The following PPEF1 variants were observed in gnomAD, a reference collection of about 807,000 sequenced individuals.
PPEF1 encodes protein phosphatase with EF-hand domain 1, also known as serine/threonine-protein phosphatase with EF-hands 1.
PPEF1 carries 12 observed loss-of-function variants against 53.3 expected under a neutral mutation model. The ratio of observed to expected loss-of-function variants is 0.23; its 90% CI spans 0.14 to 0.36. PPEF1 has a LOEUF of 0.36. Among genes scored for constraint, PPEF1 ranks in the 10% least tolerant of loss-of-function variants. PPEF1 has a pLI of 1.00. For missense variants in PPEF1, 334 were observed against 490.4 expected, an observed-to-expected ratio of 0.68 and a Z score of 3.01; for synonymous variants, 165 against 176.7, an observed-to-expected ratio of 0.93 and a Z score of 0.52.
intron 1 of PPEF1, among the ~76,000 whole-genome samples, chrX:18,715,021 C>T (rs777655371): frequency 8.9e-6 from 1 of 111,921 alleles, no homozygotes; most frequent in East Asian, 2.8e-4. Flanking sequence ...GAAAGCGTAA[C>T]CTACATATAA....
At position 18,803,894 on chromosome X, in the gene PPEF1, T is replaced by G; in HGVS notation, c.1068T>G (p.Ile356Met). ...GAAATCTGGTTTGTTGTTCCAAGAT[T>G]ATTGATATTCTGTGGAGTGATCCCA... ...EHLTEHEWEQ[I>M]IDILWSDPRG... The change falls in exon 11 of 16, where the codon ATT becomes ATG. Residue 356 changes from isoleucine to methionine, a missense_variant and splice_region_variant. Physicochemically the swap from Ile to Met is conservative, Grantham distance 10. Coordinates refer to ENST00000470157, the MANE Select transcript of PPEF1 (RefSeq NM_001377996.1). 8.4e-7 allele frequency: 1 copy of G among 1,193,240 alleles called. No homozygotes were observed.
intron 3 of PPEF1, among the ~76,000 whole-genome samples, chrX:18,687,805 C>T (rs1245203349): frequency 1.8e-5 from 2 of 108,489 alleles, no homozygotes; most frequent in African/African-American, 6.7e-5. Context: ...TCTCGTGCCT[C>T]AGCCTCCGGA....
intron 3 of PPEF1, among the ~76,000 whole-genome samples, chrX:18,740,916 A>ATTTTTTTTTT (rs749122735): frequency 1.3e-5 from 1 of 75,215 alleles, no homozygotes; most frequent in Non-Finnish European, 2.6e-5. Flanking sequence ...TGGGCCAACC[A>ATTTTTTTTTT]TTTTTTTTTT....
chrX:18,776,567 A>G (rs2045970199), intron 6 of PPEF1, among the ~76,000 whole-genome samples: 1 of 111,363 alleles, frequency 9.0e-6, no homozygotes, highest in African/African-American at 3.3e-5. Context: ...GATAGCCTGT[A>G]TTTTTGCAAC....
intron 1 of PPEF1, among the ~76,000 whole-genome samples, chrX:18,683,171 A>G (rs1928943122): frequency 9.0e-6 from 1 of 111,121 alleles, no homozygotes; most frequent in East Asian, 2.9e-4. Flanking sequence ...ACAATTCAAG[A>G]TGAGATTTGG....
chrX:18,739,068 C>T (rs1210335401), intron 3 of PPEF1, among the ~76,000 whole-genome samples: 1 of 112,069 alleles, frequency 8.9e-6, no homozygotes, highest in Non-Finnish European at 1.9e-5. Context: ...GCGATGGGTT[C>T]GAACATCCTC....
chrX:18,822,253 G>T (rs1466508195), intron 13 of PPEF1, among the ~76,000 whole-genome samples: 1 of 110,547 alleles, frequency 9.0e-6, no homozygotes, highest in Non-Finnish European at 1.9e-5. Flanking sequence ...GCTGTTCTTT[G>T]CAGTGTTCTT....
At chrX:18,700,981 T>G (rs1930072526) in intron 6 of PPEF1, among the ~76,000 whole-genome samples, 1 of 112,268 alleles carries the variant, frequency 8.9e-6, no homozygotes, top group African/African-American at 3.2e-5. Flanking sequence ...ACATTTTTGT[T>G]CTTTAATGAT....
intron 10 of PPEF1, among the ~76,000 whole-genome samples, chrX:18,794,373 C>T (rs1288305567): frequency 1.8e-5 from 2 of 113,018 alleles, no homozygotes; most frequent in African/African-American, 6.4e-5. Context: ...CACTCTGTGC[C>T]AAATAAGGCC....
At chrX:18,807,740 A>G (rs1400062828) in intron 12 of PPEF1, among the ~76,000 whole-genome samples, 1 of 110,687 alleles carries the variant, frequency 9.0e-6, no homozygotes, top group African/African-American at 3.3e-5. Flanking sequence ...GCTCACTGCA[A>G]CCTCCACCTA....
chrX:18,739,791 A>T (rs1264700826), intron 3 of PPEF1, among the ~76,000 whole-genome samples: 1 of 112,417 alleles, frequency 8.9e-6, no homozygotes, highest in Non-Finnish European at 1.9e-5. Context: ...ACCCAGTTCA[A>T]GCTTCCCGGC....
At chrX:18,791,521 A>G (rs1316195013) in intron 10 of PPEF1, among the ~76,000 whole-genome samples, 1 of 112,205 alleles carries the variant, frequency 8.9e-6, no homozygotes, top group East Asian at 2.8e-4. Flanking sequence ...AATACAACTG[A>G]CTTTTATATA....
In PPEF1 at chrX:18,743,822, T is replaced by C. The variant is rs147813376; in HGVS notation, c.236-5970T>C. Among the ~76,000 whole-genome samples, 585 of 111,047 alleles carry C rather than the reference T, an allele frequency of 5.3e-3. 7 individuals are homozygous for C. The highest frequency in any genetic ancestry group is 0.018 in the African/African-American group (556 of 30,467). ...TGGTGAAGTTCCTGTTCAGGTTTTT[T>C]TGTCCATTTTTCTATTGGGTTATTT... On this transcript the variant is annotated intron_variant, in intron 3 of 15. Transcript: ENST00000470157.
intron 12 of PPEF1, among the ~76,000 whole-genome samples, chrX:18,807,089 G>A (rs1021967423): frequency 2.6e-4 from 29 of 110,465 alleles, no homozygotes; most frequent in African/African-American, 9.3e-4. Context: ...GAGTGCAGTG[G>A]CGTGATCTCA....
intron 6 of PPEF1, among the ~76,000 whole-genome samples, chrX:18,771,478 G>T (rs999573790): frequency 1.8e-5 from 2 of 111,520 alleles, no homozygotes; most frequent in African/African-American, 6.5e-5. Flanking sequence ...AATTCAAGGA[G>T]CCAGACTTTT....
At chrX:18,784,945 G>A (rs1325300561) in intron 9 of PPEF1, among the ~76,000 whole-genome samples, 1 of 110,906 alleles carries the variant, frequency 9.0e-6, no homozygotes, top group Non-Finnish European at 1.9e-5. Flanking sequence ...CGCCACATGG[G>A]TTGAAGACCA....
chrX:18,712,034 A>G (rs771462015), intron 1 of PPEF1, among the ~76,000 whole-genome samples: 11 of 112,075 alleles, frequency 9.8e-5, no homozygotes, highest in South Asian at 7.3e-4. Flanking sequence ...TTACAGGCAT[A>G]AGCCACCACG....
chrX:18,678,277 C>A (rs1928752447), upstream of PPEF1, among the ~76,000 whole-genome samples: 1 of 109,080 alleles, frequency 9.2e-6, no homozygotes, highest in Non-Finnish European at 1.9e-5. Flanking sequence ...TAAAAAAATA[C>A]AAAAAACTTA....
intron 1 of PPEF1, among the ~76,000 whole-genome samples, chrX:18,712,883 G>C (rs1040491141): frequency 8.9e-6 from 1 of 111,792 alleles, no homozygotes; most frequent in Non-Finnish European, 1.9e-5. Flanking sequence ...TGTGGTTTTT[G>C]TCCTTTATTT....
Sources: allele counts gnomAD v4.1 joint callset (sites outside exome capture counted in the v4.1 genomes callset), GRCh38; gene constraint gnomAD v4.1.1; transcripts MANE v1.5; gene names NCBI Gene and HGNC (gene_info 2026-07-23, HGNC 2026-07-21).